FSTL5: variants seen among roughly 807,000 people sequenced by gnomAD.
FSTL5 encodes the protein follistatin-related protein 5.
A neutral mutation model predicts 89.1 loss-of-function variants in FSTL5; 62 were observed. The observed-to-expected ratio is 0.70, with a 90% CI of 0.57 to 0.86. FSTL5 has a LOEUF of 0.86. FSTL5 is among the 40% of genes least tolerant of loss of function. The pLI, the probability that FSTL5 is intolerant of heterozygous loss-of-function variation, is 0.00. For synonymous variants in FSTL5, 383 were observed against 346.2 expected (o/e 1.11, Z -1.18); for missense variants, 1,057 against 1,001.6 (o/e 1.06, Z -0.75).
intron 15 of FSTL5, among the ~76,000 whole-genome samples, chr4:161,441,869 T>C (rs1732772973): frequency 6.6e-6 from 1 of 152,140 alleles, no homozygotes; most frequent in South Asian, 2.1e-4. Flanking sequence ...TATGGCCAGT[T>C]AAGCCATGGA....
intron 15 of FSTL5, among the ~76,000 whole-genome samples, chr4:161,443,492 T>C (rs1469622063): frequency 1.3e-5 from 2 of 152,040 alleles, no homozygotes; most frequent in South Asian, 2.1e-4. Context: ...TTTACTAAAC[T>C]ATAATAATAT....
At chr4:161,974,663 A>G (rs1235122808) in intron 3 of FSTL5, among the ~76,000 whole-genome samples, 1 of 122,896 alleles carries the variant, frequency 8.1e-6, no homozygotes, top group Admixed American at 8.8e-5. Flanking sequence ...AAGAAAACCT[A>G]GGCATTACCA....
At chr4:161,443,734 C>T (rs944181861) in intron 15 of FSTL5, among the ~76,000 whole-genome samples, 1 of 151,840 alleles carries the variant, frequency 6.6e-6, no homozygotes, top group African/African-American at 2.4e-5. Flanking sequence ...AAGAGTGATA[C>T]TGAGTTTGGC....
rs925547522 is a variant in FSTL5 at position 161,833,732 on chromosome 4, TG to T, written c.410-57659del. Among the ~76,000 whole-genome samples, 15 of 152,122 alleles carry T rather than the reference TG, an allele frequency of 9.9e-5. 1 individual carries two copies. Among genetic ancestry groups the T allele is most frequent in the Admixed American group, 9.8e-4 (15 of 15,238 alleles). ...TGCCTTTTTTTGCTTTCCATTTGCT[TG>T]GTAGATCTTCCTCCATCCTTTTATT... is the stretch of plus-strand genomic sequence containing the variant. On this transcript the variant is annotated intron_variant, in intron 4 of 15. Coordinates refer to ENST00000306100, the MANE Select transcript of FSTL5 (RefSeq NM_020116.5).
intron 4 of FSTL5, among the ~76,000 whole-genome samples, chr4:161,874,682 G>T (rs1327299600): frequency 1.3e-5 from 2 of 150,318 alleles, no homozygotes; most frequent in Non-Finnish European, 3.0e-5. Context: ...CGTTTGAGTT[G>T]ATGAATCTTC....
rs143103420 is a variant in FSTL5, at chr4:161,562,735, A to T, written c.1016-20042T>A. Among the ~76,000 whole-genome samples the T allele has an allele frequency of 8.0e-3, 1,213 of 152,078 alleles. 20 individuals are homozygous for T. The highest frequency in any genetic ancestry group is 0.028 in the African/African-American group (1,170 of 41,534). Reference sequence around the variant, plus strand: ...ATGTACCCTGTTACTGCTTTTAAGTATACAGTGCAGTGGTGTTAAACACAT... The same window carrying T: ...ATGTACCCTGTTACTGCTTTTAAGTTTACAGTGCAGTGGTGTTAAACACAT... On this transcript the variant is annotated intron_variant, in intron 8 of 15. Transcript: ENST00000306100.
In FSTL5 at chr4:161,639,187, T is replaced by A. The variant is rs1339206579; in HGVS notation, c.894+17141A>T. Among the ~76,000 whole-genome samples, 3 of 151,668 alleles carry A rather than the reference T, an allele frequency of 2.0e-5. No homozygotes were observed. The South Asian group carries it at 6.2e-4, about 31-fold the overall frequency. On this transcript the variant is annotated intron_variant, in intron 7 of 15. Coordinates refer to ENST00000306100, the MANE Select transcript of FSTL5 (RefSeq NM_020116.5). ...ACCACTATAAATTTCCTCTTAGTTC[T>A]GAAAAAAAAAATTGGAGCAGATACA...
At chr4:161,695,431 G>GTGTA (rs1469387696) in intron 6 of FSTL5, among the ~76,000 whole-genome samples, 2 of 129,810 alleles carry the variant, frequency 1.5e-5, no homozygotes, top group African/African-American at 5.7e-5. Flanking sequence ...GTACGTGTGT[G>GTGTA]TGTGTGTGTG....
At chr4:161,625,953 A>G (rs79204566) in intron 7 of FSTL5, among the ~76,000 whole-genome samples, 3 of 152,140 alleles carry the variant, frequency 2.0e-5, no homozygotes, top group African/African-American at 7.2e-5. Context: ...AATCTCTTCA[A>G]TTTTATGGAG....
intron 4 of FSTL5, among the ~76,000 whole-genome samples, chr4:161,777,243 G>GTATATATATATATATA (rs4065063): frequency 3.9e-4 from 57 of 145,026 alleles, no homozygotes; most frequent in Non-Finnish European, 8.0e-4. Context: ...ATTTCATTGT[G>GTATATATATATATATA]TATATATATA....
intron 4 of FSTL5, among the ~76,000 whole-genome samples, chr4:161,838,151 C>T (rs887024045): frequency 6.6e-6 from 1 of 151,942 alleles, no homozygotes; most frequent in African/African-American, 2.4e-5. Flanking sequence ...TCAACTAAAG[C>T]AAAATGAGAC....
At chr4:161,503,972 T>A (rs543094327) in intron 11 of FSTL5, among the ~76,000 whole-genome samples, 35 of 152,028 alleles carry the variant, frequency 2.3e-4, no homozygotes, top group Admixed American at 4.6e-4. Flanking sequence ...GGTTTAGTTT[T>A]CAACAGGCTA....
chr4:161,394,458 G>C (rs1185731057), intron 15 of FSTL5, among the ~76,000 whole-genome samples: 1 of 151,974 alleles, frequency 6.6e-6, no homozygotes, highest in Non-Finnish European at 1.5e-5. Context: ...TGCATTTTTA[G>C]TAGAGACAGG....
At chr4:161,599,349 T>C (rs1164449467) in intron 7 of FSTL5, among the ~76,000 whole-genome samples, 2 of 152,148 alleles carry the variant, frequency 1.3e-5, no homozygotes, top group Non-Finnish European at 2.9e-5. Flanking sequence ...CTCAGTGAAA[T>C]TGTAAATTGG....
At chr4:161,977,639 A>AAAAAAAAAAAAAAAAAAAAT (rs1553988132) in intron 3 of FSTL5, among the ~76,000 whole-genome samples, 2 of 101,240 alleles carry the variant, frequency 2.0e-5, no homozygotes, top group African/African-American at 4.1e-5. Context: ...AAAAAAAAAA[A>AAAAAAAAAAAAAAAAAAAAT]AATAATAATA....
intron 3 of FSTL5, among the ~76,000 whole-genome samples, chr4:161,928,439 T>A (rs1734190153): frequency 6.6e-6 from 1 of 151,794 alleles, no homozygotes; most frequent in Admixed American, 6.6e-5. Context: ...AAATATACTA[T>A]TGTTACTATA....
intron 4 of FSTL5, among the ~76,000 whole-genome samples, chr4:161,874,093 A>G (rs1732362053): frequency 6.6e-6 from 1 of 152,044 alleles, no homozygotes; most frequent in South Asian, 2.1e-4. Context: ...GTATGAATAT[A>G]TTTAAATATA....
intron 1 of FSTL5, among the ~76,000 whole-genome samples, chr4:162,152,937 A>C (rs1405164753): frequency 1.3e-5 from 2 of 151,654 alleles, no homozygotes; most frequent in African/African-American, 4.8e-5. Flanking sequence ...GCTAATTTTC[A>C]TTAACAAGAA....
At chr4:162,058,617 C>T (rs1164697112) in intron 2 of FSTL5, among the ~76,000 whole-genome samples, 6 of 151,656 alleles carry the variant, frequency 4.0e-5, no homozygotes, top group South Asian at 2.1e-4. Context: ...TTAGTAGAGA[C>T]GGGGTTTCAC....
Sources: gnomAD v4.1 joint callset for allele counts (sites outside exome capture counted in the v4.1 genomes callset) on GRCh38, gnomAD v4.1.1 for gene constraint, MANE v1.5 for transcripts, NCBI Gene and HGNC (gene_info 2026-07-23, HGNC 2026-07-21) for gene names.